Variants in ACOT11 observed in about 807,000 individuals in gnomAD.
ACOT11 encodes the protein acyl-CoA thioesterase 11.
In ACOT11, 69 loss-of-function variants were observed where a neutral mutation model predicts 77.5. That is an observed-to-expected ratio of 0.89 (90% CI 0.73 to 1.09). The LOEUF is 1.09. Ranked by LOEUF, ACOT11 falls within the 50% of genes least tolerant of loss-of-function variation. The pLI, the probability that ACOT11 is intolerant of heterozygous loss-of-function variation, is 0.00. For synonymous variants in ACOT11, 279 were observed against 313.0 expected, an observed-to-expected ratio of 0.89 and a Z score of 1.15; for missense variants, 766 against 813.7, an observed-to-expected ratio of 0.94 and a Z score of 0.71.
intron 10 of ACOT11, among the ~76,000 whole-genome samples, chr1:54,603,056 A>G (rs1202422235): frequency 6.6e-6 from 1 of 152,224 alleles, no homozygotes; most frequent in African/African-American, 2.4e-5. Flanking sequence ...AGAAACGTTC[A>G]GAGAGGAGAT....
At chr1:54,598,840 CAAA>C (rs898488192) in intron 7 of ACOT11, 14 of 59,938 alleles carry the variant, frequency 2.3e-4, no homozygotes, top group Admixed American at 3.6e-4. Flanking sequence ...AACCCTGTCT[CAAA>C]AAAAAAAAAA....
At position 54,609,517 on chromosome 1, in the gene ACOT11, C is replaced by G; in HGVS notation, c.*405C>G. ...TCTGGAAGGACACAGGTTGCCAGAGCCCCTGGCACAACTCTAGCATATCTG... is the reference window on the plus strand; with the variant it reads ...TCTGGAAGGACACAGGTTGCCAGAGGCCCTGGCACAACTCTAGCATATCTG... On this transcript the variant is annotated 3_prime_UTR_variant, in exon 16 of 16. Coordinates refer to ENST00000343744, the MANE Select transcript of ACOT11 (RefSeq NM_147161.4). 1.2e-6 allele frequency: 2 copies of G among 1,613,102 alleles called. No individual in the cohort carries two copies. Among genetic ancestry groups the G allele is most frequent in the Non-Finnish European group, 1.7e-6 (2 of 1,180,034 alleles).
chr1:54,627,318 G>A (rs1378641837), intron 15 of ACOT11, among the ~76,000 whole-genome samples: 2 of 134,930 alleles, frequency 1.5e-5, no homozygotes, highest in Admixed American at 1.5e-4. Flanking sequence ...ACAGAGCTTC[G>A]CCACTCTCTT....
intron 15 of ACOT11, among the ~76,000 whole-genome samples, chr1:54,630,267 A>G (rs2101033092): frequency 1.3e-5 from 1 of 79,794 alleles, no homozygotes; most frequent in Non-Finnish European, 3.3e-5. Context: ...TAATCCCAGC[A>G]CTTTGGGAGG....
chr1:54,558,335 A>G (rs1381464978), intron 1 of ACOT11, among the ~76,000 whole-genome samples: 1 of 152,246 alleles, frequency 6.6e-6, no homozygotes, highest in African/African-American at 2.4e-5. Flanking sequence ...CCATGCCTGC[A>G]GTAACTCATT....
intron 15 of ACOT11, among the ~76,000 whole-genome samples, chr1:54,615,396 G>C (rs1259336591): frequency 6.6e-6 from 1 of 152,128 alleles, no homozygotes; most frequent in Non-Finnish European, 1.5e-5. Flanking sequence ...GGGGAGCCAC[G>C]GAGGGTTAAA....
rs112859206 is a variant in ACOT11, at chr1:54,585,742, C to T, written c.242-93C>T. The stretch of plus-strand genomic sequence containing the variant: ...GTGGGAGTTGTGGCCTTGGCTTGGG[C>T]GGCTGGAGAAGCCTCCTGAGGAGGT... On this transcript the variant is annotated intron_variant, in intron 2 of 15. Coordinates refer to ENST00000343744, the MANE Select transcript of ACOT11 (RefSeq NM_147161.4). 2.0e-4 allele frequency: 261 copies of T among 1,316,260 alleles called. 3 individuals are homozygous for T. The highest frequency in any genetic ancestry group is 1.6e-3 in the Admixed American group (80 of 50,654). 81.5% of individuals were successfully genotyped at this position (1,316,260 alleles called of 1,614,324 possible).
intron 6 of ACOT11, 47 bp from the exon 7 acceptor site, chr1:54,597,212 A>G (rs918634259): frequency 2.5e-6 from 4 of 1,602,596 alleles, no homozygotes; most frequent in Non-Finnish European, 3.4e-6. Context: ...TGCCCTTGGG[A>G]ATGTTCTCAC....
In ACOT11 at chr1:54,631,522, G is replaced by A. The variant is rs186322331; in HGVS notation, c.1782+636G>A. Among the ~76,000 whole-genome samples, 287 of 152,300 alleles carry A rather than the reference G, an allele frequency of 1.9e-3. 2 individuals carry two copies. The highest frequency in any genetic ancestry group is 0.018 in the Admixed American group (275 of 15,300). ...ATTTAAAACTTGGTGGGCAGATGAA[G>A]CTTCCATTCAGGTTGCTCGCAATGC... On this transcript the variant is annotated intron_variant, in intron 16 of 16. Coordinates refer to the ACOT11 transcript ENST00000371316.
chr1:54,613,748 G>A (rs1237984258), downstream of ACOT11, among the ~76,000 whole-genome samples: 1 of 152,166 alleles, frequency 6.6e-6, no homozygotes, highest in African/African-American at 2.4e-5. Context: ...AGGAAGACAG[G>A]TCATATTTAT....
In ACOT11 at chr1:54,558,131, T is replaced by C. The variant is rs532843320; in HGVS notation, c.33+9789T>C. Among the ~76,000 whole-genome samples the C allele has an allele frequency of 3.3e-5, 5 of 152,298 alleles. No individual in the cohort carries two copies. The South Asian group carries it at 6.2e-4, about 19-fold the overall frequency. ...ACTCGTTCCCTCCACGGGTACTTAC[T>C]GTACTGGGGGATTAACAGTTAGCCA... On this transcript the variant is annotated intron_variant, in intron 1 of 15. Coordinates refer to ENST00000343744, the MANE Select transcript of ACOT11 (RefSeq NM_147161.4).
intron 1 of ACOT11, among the ~76,000 whole-genome samples, chr1:54,554,408 G>T (rs192052857): frequency 7.0e-6 from 1 of 142,038 alleles, no homozygotes; most frequent in African/African-American, 2.6e-5. Flanking sequence ...CTGGAATACA[G>T]TGGTGCAATT....
At chr1:54,620,700 C>T (rs1203028797) in intron 15 of ACOT11, among the ~76,000 whole-genome samples, 3 of 149,634 alleles carry the variant, frequency 2.0e-5, no homozygotes, top group Non-Finnish European at 3.0e-5. Context: ...CAAAAATTAG[C>T]GGGATGGACG....
In ACOT11 at chr1:54,582,319, A is replaced by G. The variant is rs559934903; in HGVS notation, c.34-2336A>G. 7.0e-4 allele frequency: 296 copies of G among 422,310 alleles called. 2 individuals carry two copies. The highest frequency in any genetic ancestry group is 6.0e-3 in the African/African-American group (278 of 46,278). 26.2% of individuals were successfully genotyped at this position (422,310 alleles called of 1,614,324 possible). ...CACACAGCACTTGAGGGACACAGGT[A>G]GAATTTGAACTCAAGTCCGTCTCTG... is the stretch of plus-strand genomic sequence containing the variant. On this transcript the variant is annotated intron_variant, in intron 1 of 15. Transcript: ENST00000343744.
intron 3 of ACOT11, among the ~76,000 whole-genome samples, chr1:54,589,090 C>T (rs1654613500): frequency 6.6e-6 from 1 of 152,022 alleles, no homozygotes; most frequent in Admixed American, 6.5e-5. Context: ...AATTTTGGCT[C>T]ACTGCAACCT....
At chr1:54,623,291 G>T (rs754317541) in intron 15 of ACOT11, 27 of 1,613,656 alleles carry the variant, frequency 1.7e-5, no homozygotes, top group Non-Finnish European at 2.2e-5. Context: ...GCCGCCGCAG[G>T]GTGATGGCAA....
downstream of ACOT11, among the ~76,000 whole-genome samples, chr1:54,613,484 C>T (rs928872673): frequency 6.6e-6 from 1 of 151,826 alleles, no homozygotes; most frequent in African/African-American, 2.4e-5. Context: ...TACGTGGTCT[C>T]GCTGTGTTGC....
downstream of ACOT11, chr1:54,611,712 G>C (rs759552783): frequency 6.2e-7 from 1 of 1,614,132 alleles, no homozygotes; most frequent in East Asian, 2.2e-5. Flanking sequence ...CCGACATGGG[G>C]TCCGAGGCAG....
At chr1:54,567,467 CG>C (rs1653775318) in intron 1 of ACOT11, among the ~76,000 whole-genome samples, 1 of 151,886 alleles carries the variant, frequency 6.6e-6, no homozygotes, top group African/African-American at 2.4e-5. Context: ...TTAGTAGAGA[CG>C]GGGTTTCACC....
Sources: allele counts gnomAD v4.1 joint callset (sites outside exome capture counted in the v4.1 genomes callset), GRCh38; gene constraint gnomAD v4.1.1; transcripts MANE v1.5; gene names NCBI Gene and HGNC (gene_info 2026-07-23, HGNC 2026-07-21).